Variants in HBS1L observed in about 807,000 individuals in gnomAD.
The protein encoded by HBS1L is HBS1 like translational GTPase.
A neutral mutation model predicts 88.9 loss-of-function variants in HBS1L; 55 were observed. The observed-to-expected ratio is 0.62, with a 90% CI of 0.50 to 0.77. HBS1L has a LOEUF of 0.77. Ranked by LOEUF, HBS1L falls within the 30% of genes least tolerant of loss-of-function variation. The probability of loss-of-function intolerance (pLI) is 0.00; values close to 1 mark genes in which losing one functional copy is unlikely to be tolerated. For missense variants in HBS1L, 741 were observed against 829.3 expected, an observed-to-expected ratio of 0.89 and a Z score of 1.31; for synonymous variants, 267 against 288.5, an observed-to-expected ratio of 0.93 and a Z score of 0.76.
chr6:134,973,838 GAA>G (rs199823698), intron 15 of HBS1L, among the ~76,000 whole-genome samples: 4 of 134,392 alleles, frequency 3.0e-5, no homozygotes, highest in Admixed American at 7.3e-5. Flanking sequence ...TCCATCTCAA[GAA>G]AAAAAAAAAA....
chr6:134,996,873 C>A lies in HBS1L; in HGVS notation c.869G>T (p.Arg290Ile), dbSNP rs1468719059. 6.2e-7 allele frequency: 1 copy of A among 1,610,986 alleles called. No homozygotes were observed. Among genetic ancestry groups the A allele is most frequent in the Non-Finnish European group, 8.5e-7 (1 of 1,178,788 alleles). ...CTCCTGTTCATACTTATGCATAGTT[C>A]TTTTGTTTATATTACCCAGAAGATA... ...MLYLLGNINK[R>I]TMHKYEQESK... The change falls in exon 7 of 18, where the codon AGA (arginine) becomes ATA (isoleucine). Residue 290 changes from arginine to isoleucine, a missense_variant. By Grantham distance (97) the Arg-to-Ile change is moderately conservative. This residue lies in a region of HBS1L where 556 missense variants were observed against 598.4 expected (regional missense o/e 0.93). Transcript: ENST00000367837.
chr6:134,993,693 C>T, intron 8 of HBS1L, 65 bp downstream of exon 8: 1 of 633,490 alleles, frequency 1.6e-6, no homozygotes. Context: ...GAATTGTAAC[C>T]TCAGCATCAG....
intron 1 of HBS1L, 34 bp from the exon 2 acceptor site, chr6:135,050,681 C>T (rs762051433): frequency 7.3e-7 from 1 of 1,373,566 alleles, no homozygotes; most frequent in Non-Finnish European, 1.0e-6. Flanking sequence ...AATTCATTTA[C>T]AAGTTCTTTT....
At chr6:134,993,296 A>T (rs1180746554) in intron 8 of HBS1L, among the ~76,000 whole-genome samples, 4 of 152,194 alleles carry the variant, frequency 2.6e-5, no homozygotes, top group Non-Finnish European at 5.9e-5. Context: ...CATGTAATTT[A>T]CAAATTGCAA....
chr6:135,048,136 G>A (rs1295569312), intron 2 of HBS1L, among the ~76,000 whole-genome samples: 3 of 152,158 alleles, frequency 2.0e-5, no homozygotes, highest in East Asian at 3.8e-4. Flanking sequence ...ATCCAATAAG[G>A]AGATATGAAA....
In HBS1L at chr6:135,054,656, G is replaced by C; in HGVS notation, c.36C>G (p.Tyr12Ter). 6.2e-7 allele frequency: 1 copy of C among 1,614,230 alleles called. No individual in the cohort carries two copies. Among genetic ancestry groups the C allele is most frequent in the Non-Finnish European group, 8.5e-7 (1 of 1,180,032 alleles). ...CATGACCCTGCCACCTACCTTCATC[G>C]TAGTTATAGCCTCGAACATTCCGAT... ...ARHRNVRGYN[Y>*]DEDFEDDDLY... The change falls in exon 1 of 18, where the codon TAC becomes TAG. Residue 12 changes from tyrosine (Y) to a stop codon, truncating the protein, a stop_gained. Transcript: ENST00000367837. LOFTEE classifies it high-confidence loss of function.
intron 4 of HBS1L, among the ~76,000 whole-genome samples, chr6:135,013,337 T>C (rs1205609491): frequency 6.6e-6 from 1 of 152,222 alleles, no homozygotes; most frequent in African/African-American, 2.4e-5. Flanking sequence ...CCAGGACATT[T>C]ACAAACACAA....
At chr6:135,032,473 CCA>C (rs995579054) in intron 4 of HBS1L, among the ~76,000 whole-genome samples, 1 of 152,020 alleles carries the variant, frequency 6.6e-6, no homozygotes, top group Non-Finnish European at 1.5e-5. Context: ...CCTGTCTAGT[CCA>C]CATTTATATA....
chr6:135,015,881 C>A (rs1042405349), intron 4 of HBS1L, among the ~76,000 whole-genome samples: 4 of 145,102 alleles, frequency 2.8e-5, no homozygotes, highest in African/African-American at 1.0e-4. Flanking sequence ...ACGAGCCCAG[C>A]CTTTTTTTTT....
chr6:134,993,361 G>A (rs986640802), intron 8 of HBS1L, among the ~76,000 whole-genome samples: 2 of 152,168 alleles, frequency 1.3e-5, no homozygotes, highest in Non-Finnish European at 1.5e-5. Flanking sequence ...AAATACCCAA[G>A]CTTCATTATT....
intron 4 of HBS1L, among the ~76,000 whole-genome samples, chr6:135,022,656 T>G (rs2114859108): frequency 6.6e-6 from 1 of 152,220 alleles, no homozygotes; most frequent in African/African-American, 2.4e-5. Context: ...ATAAAAATAC[T>G]CAGTGATGAA....
At chr6:134,993,114 T>C (rs1454252078) in intron 8 of HBS1L, among the ~76,000 whole-genome samples, 2 of 152,192 alleles carry the variant, frequency 1.3e-5, no homozygotes, top group Non-Finnish European at 2.9e-5. Context: ...ATAGGTTCCA[T>C]GTAGCCTAGG....
intron 6 of HBS1L, 131 bp downstream of exon 6, chr6:134,997,266 T>G: frequency 9.5e-7 from 1 of 1,048,744 alleles, no homozygotes; most frequent in African/African-American, 1.6e-5. Flanking sequence ...CTAGAAAGCA[T>G]TATGAGACTG....
intron 13 of HBS1L, among the ~76,000 whole-genome samples, chr6:134,980,604 T>A (rs1442250703): frequency 6.6e-6 from 1 of 151,994 alleles, no homozygotes; most frequent in African/African-American, 2.4e-5. Context: ...TATAAAATTT[T>A]CCAAAGGTAA....
In HBS1L at chr6:135,050,593, G is replaced by A. The variant is rs533741528; in HGVS notation, c.98C>T (p.Ser33Leu). 1.9e-5 allele frequency: 31 copies of A among 1,592,140 alleles called. No homozygotes were observed. The highest frequency in any genetic ancestry group is 4.0e-5 in the African/African-American group (3 of 74,252). ...GQSVEDDYCISPSTAAQFIYS... is the reference protein window; with the variant it reads ...GQSVEDDYCILPSTAAQFIYS... ...TTTTAAAAATTCACCTGTTGACGGC[G>A]AAATACAATAATCATCCTCTACAGA... is the stretch of plus-strand genomic sequence containing the variant. Residue 33 changes from serine to leucine, a missense_variant, in exon 2 of 18, where the codon TCG becomes TTG. By Grantham distance (145) the Ser-to-Leu change is moderately radical. Around this residue, in one of 3 missense-constraint regions of HBS1L, gnomAD observed 556 missense variants for 598.4 expected, o/e 0.93. Transcript: ENST00000367837.
At chr6:134,981,078 G>A (rs1774817778) in intron 13 of HBS1L, among the ~76,000 whole-genome samples, 1 of 151,942 alleles carries the variant, frequency 6.6e-6, no homozygotes, top group South Asian at 2.1e-4. Flanking sequence ...GGTAAAGAAT[G>A]TGAGACTTTC....
At chr6:135,041,969 T>C (rs1776751740) in intron 3 of HBS1L, 32 bp downstream of exon 3, 1 of 1,603,404 alleles carries the variant, frequency 6.2e-7, no homozygotes, top group Non-Finnish European at 8.5e-7. Flanking sequence ...TTAATCACTT[T>C]CAGATAACAG....
intron 15 of HBS1L, among the ~76,000 whole-genome samples, chr6:134,970,229 T>A (rs1490590269): frequency 1.3e-5 from 2 of 152,124 alleles, no homozygotes; most frequent in Non-Finnish European, 2.9e-5. Context: ...ACCTCCCAGG[T>A]TCAGGCAATT....
intron 13 of HBS1L, 62 bp from the exon 14 acceptor site, chr6:134,979,330 A>G (rs1434436906): frequency 8.0e-7 from 1 of 1,245,146 alleles, no homozygotes; most frequent in Admixed American, 1.8e-5. Flanking sequence ...CATAACAACC[A>G]ACAGAGTTTG....
Sources: gnomAD v4.1 joint callset for allele counts (sites outside exome capture counted in the v4.1 genomes callset) on GRCh38, gnomAD v4.1.1 for gene constraint, gnomAD v4.1.1 regional missense constraint, MANE v1.5 for transcripts, NCBI Gene and HGNC (gene_info 2026-07-23, HGNC 2026-07-21) for gene names.